PHKA2: variants seen among roughly 807,000 people sequenced by gnomAD.
PHKA2 encodes the protein phosphorylase b kinase regulatory subunit alpha, liver isoform.
In PHKA2, 31 loss-of-function variants were observed where a neutral mutation model predicts 102.0. That is an observed-to-expected ratio of 0.30 (90% CI 0.23 to 0.41). PHKA2 has a LOEUF of 0.41. Ranked by LOEUF, PHKA2 falls within the 10% of genes least tolerant of loss-of-function variation. PHKA2 has a pLI of 1.00. For missense variants in PHKA2, 858 were observed against 1,023.1 expected (o/e 0.84, Z 2.20); for synonymous variants, 455 against 416.2 (o/e 1.09, Z -1.13).
At chrX:18,923,077 T>C (rs1345988290) in intron 17 of PHKA2, among the ~76,000 whole-genome samples, 1 of 84,942 alleles carries the variant, frequency 1.2e-5, no homozygotes, top group Non-Finnish European at 2.2e-5. Flanking sequence ...TGAGACGGAG[T>C]CTCATTCTGT....
In PHKA2 at chrX:18,954,309, T is replaced by C; in HGVS notation, c.182A>G (p.Tyr61Cys). 2 of 1,211,511 alleles carry C rather than the reference T, an allele frequency of 1.7e-6. No homozygotes were observed. Among genetic ancestry groups the C allele is most frequent in the Non-Finnish European group, 2.2e-6 (2 of 895,062 alleles). The change falls in exon 2 of 33, where the codon TAC (tyrosine) becomes TGC (cysteine). Residue 61 changes from tyrosine (Y) to cysteine (C), a missense_variant. Tyr to Cys is a radical substitution (Grantham distance 194). Around this residue, in one of 2 missense-constraint regions of PHKA2, gnomAD observed 187 missense variants for 277.9 expected, o/e 0.67. Coordinates refer to ENST00000379942, the MANE Select transcript of PHKA2 (RefSeq NM_000292.3). The part of the protein sequence containing the change: ...ILAVWGLGMA[Y>C]RKNADRDEDK... ...CTCATCGCGGTCTGCATTCTTACGG[T>C]AGGCCATGCCCAGGCCCCACACGGC...
At position 18,908,843 on chromosome X, in the gene PHKA2, A is replaced by G; in HGVS notation, c.2318T>C (p.Leu773Pro). 15 of 1,209,719 alleles carry G rather than the reference A, an allele frequency of 1.2e-5. No individual in the cohort carries two copies. Among genetic ancestry groups the G allele is most frequent in the Non-Finnish European group, 1.7e-5 (15 of 893,555 alleles). ...LVEQLKDCSN[L>P]QDQADILYIL... ...GTACAGAATGTCTGCTTGGTCCTGTAGGTTCGAACAATCTTTTAGCTGCTC... is the reference window on the plus strand; with the variant it reads ...GTACAGAATGTCTGCTTGGTCCTGTGGGTTCGAACAATCTTTTAGCTGCTC... The change falls in exon 21 of 33, where the codon CTA becomes CCA. Residue 773 changes from leucine (L) to proline (P), a missense_variant. Physicochemically the swap from Leu to Pro is moderately conservative, Grantham distance 98. Transcript: ENST00000379942.
Position 18,914,249 on chromosome X carries a change from T to C in PHKA2, c.2138-3289A>G, listed in dbSNP as rs2047981050. Among the ~76,000 whole-genome samples the C allele has an allele frequency of 2.7e-5, 3 of 112,274 alleles. No homozygotes were observed. In the South Asian group the frequency reaches 1.1e-3, roughly 41 times the overall value. On this transcript the variant is annotated intron_variant, in intron 19 of 32. Transcript: ENST00000379942. ...CCACCGCCATATATGCGGTCTGCCA[T>C]TGACCAAAAAGTTATGTGGTGCATA...
chrX:18,966,092 GT>G (rs754155093), intron 1 of PHKA2, among the ~76,000 whole-genome samples: 17 of 85,975 alleles, frequency 2.0e-4, no homozygotes, highest in East Asian at 3.4e-4. Context: ...TTTTTTTTTT[GT>G]TTTTTTTTTT....
chrX:18,931,671 G>A lies in PHKA2; in HGVS notation c.1215C>T (p.Ser405=), dbSNP rs368320508. 5.3e-5 allele frequency: 64 copies of A among 1,204,231 alleles called. 1 individual carries two copies. The highest frequency in any genetic ancestry group is 6.7e-5 in the Non-Finnish European group (60 of 889,980). Residue 405 remains serine (S), a synonymous_variant, in exon 12 of 33, where the codon TCC becomes TCT. Transcript: ENST00000379942. ...CCAACAGCGAGCTGAGGATGTACAAGGATTGGCCCCACAGATGAGGCACCT... is the reference window on the plus strand; with the variant it reads ...CCAACAGCGAGCTGAGGATGTACAAAGATTGGCCCCACAGATGAGGCACCT... The part of the protein sequence containing the change: ...MGKVPHLWGQ[S]LYILSSLLAE...
At chrX:18,918,305 A>G (rs1273031528) in intron 19 of PHKA2, among the ~76,000 whole-genome samples, 1 of 112,618 alleles carries the variant, frequency 8.9e-6, no homozygotes, top group African/African-American at 3.2e-5. Flanking sequence ...AGTTGGAAAT[A>G]TTTGTGTACA....
At chrX:18,947,353 G>A (rs2048598005) in intron 5 of PHKA2, among the ~76,000 whole-genome samples, 2 of 112,060 alleles carry the variant, frequency 1.8e-5, no homozygotes, top group African/African-American at 6.5e-5. Context: ...GGGTTGTTGT[G>A]TAAAGGTGCC....
chrX:18,962,962 G>A (rs1432419772), intron 1 of PHKA2, among the ~76,000 whole-genome samples: 1 of 112,340 alleles, frequency 8.9e-6, no homozygotes, highest in Admixed American at 9.4e-5. Context: ...GAAGAACATA[G>A]GTGTTAAGGG....
chrX:18,975,169 C>T lies in PHKA2; in HGVS notation c.78+8686G>A, dbSNP rs62590653. On this transcript the variant is annotated intron_variant, in intron 1 of 32. Transcript: ENST00000379942. ...GATATGATTTGGCTCTGTGTCCCCACCCATATCTCATCTTGAATTGTACTC... is the reference window on the plus strand; with the variant it reads ...GATATGATTTGGCTCTGTGTCCCCATCCATATCTCATCTTGAATTGTACTC... 5.6e-3 allele frequency among the ~76,000 whole-genome samples: 628 copies of T among 111,582 alleles called. 1 individual carries two copies. In the Middle Eastern group the frequency reaches 0.06, roughly 11 times the overall value.
chrX:18,916,060 C>T (rs1226511458), intron 19 of PHKA2, among the ~76,000 whole-genome samples: 6 of 111,593 alleles, frequency 5.4e-5, no homozygotes, highest in Non-Finnish European at 7.5e-5. Flanking sequence ...TGTCAGAAGC[C>T]GGGAGCAGAG....
At chrX:18,916,777 T>C (rs1334775790) in intron 19 of PHKA2, among the ~76,000 whole-genome samples, 3 of 112,331 alleles carry the variant, frequency 2.7e-5, no homozygotes, top group Non-Finnish European at 3.8e-5. Context: ...TCATGCTTCC[T>C]GTACAGCCGG....
At chrX:18,894,602 C>T (rs1444824468) in intron 31 of PHKA2, 198 bp from the exon 32 acceptor site, 2 of 468,960 alleles carry the variant, frequency 4.3e-6, no homozygotes, top group African/African-American at 2.4e-5. Context: ...CTCCAGGAGC[C>T]AGCCTGTCCT....
chrX:18,942,556 A>G (rs1372318031), intron 7 of PHKA2, among the ~76,000 whole-genome samples: 1 of 111,240 alleles, frequency 9.0e-6, no homozygotes, highest in African/African-American at 3.3e-5. Context: ...TAAGATGCAC[A>G]CCACGTCCAG....
intron 31 of PHKA2, chrX:18,894,925 C>CTGAG: frequency 2.2e-6 from 1 of 452,973 alleles, no homozygotes; most frequent in Non-Finnish European, 3.9e-6. Flanking sequence ...CCCAGAAATG[C>CTGAG]TGAGTCTCAG....
chrX:18,945,356 A>C (rs1174378584), intron 5 of PHKA2, among the ~76,000 whole-genome samples, 198 bp from the exon 6 acceptor site: 1 of 112,145 alleles, frequency 8.9e-6, no homozygotes, highest in Non-Finnish European at 1.9e-5. Flanking sequence ...GAAAATATTC[A>C]AGTGGGACAA....
chrX:18,946,896 T>C (rs1250750438), intron 5 of PHKA2, among the ~76,000 whole-genome samples: 1 of 108,342 alleles, frequency 9.2e-6, no homozygotes. Flanking sequence ...GGCCTGTGCA[T>C]TGTAGGATGT....
At chrX:18,953,902 C>T (rs1265659459) in intron 2 of PHKA2, among the ~76,000 whole-genome samples, 1 of 111,283 alleles carries the variant, frequency 9.0e-6, no homozygotes, top group Non-Finnish European at 1.9e-5. Context: ...AGGACAATCA[C>T]TTGAAACCGG....
intron 1 of PHKA2, among the ~76,000 whole-genome samples, chrX:18,978,659 G>A (rs2049126865): frequency 9.0e-6 from 1 of 111,163 alleles, no homozygotes; most frequent in Non-Finnish European, 1.9e-5. Flanking sequence ...GTTGTAGTGA[G>A]CCGAGATCGC....
rs147571834 is a variant in PHKA2 at position 18,907,669 on chromosome X, C to T, written c.2517+231G>A. On this transcript the variant is annotated intron_variant, in intron 22 of 32. Transcript: ENST00000379942. ...AGAGCACTTTCATTTGATTTCCTGG[C>T]GAGACTTTTTCCGTAGCCAAGAAAG... 3.6e-3 allele frequency among the ~76,000 whole-genome samples: 401 copies of T among 111,599 alleles called. 2 individuals carry two copies. Among genetic ancestry groups the T allele is most frequent in the African/African-American group, 0.012 (380 of 30,672 alleles).
Sources: gnomAD v4.1 joint callset for allele counts (sites outside exome capture counted in the v4.1 genomes callset) on GRCh38, gnomAD v4.1.1 for gene constraint, gnomAD v4.1.1 regional missense constraint, MANE v1.5 for transcripts, NCBI Gene and HGNC (gene_info 2026-07-23, HGNC 2026-07-21) for gene names.